The following GABPB2 variants were observed in gnomAD, a reference collection of about 807,000 sequenced individuals.
The protein encoded by GABPB2 is GA binding protein transcription factor subunit beta 2, also known as GA-binding protein subunit beta-2.
A neutral mutation model predicts 39.1 loss-of-function variants in GABPB2; 23 were observed. That is an observed-to-expected ratio of 0.59 (90% CI 0.42 to 0.83). The LOEUF (loss-of-function observed/expected upper bound fraction) is 0.83. Ranked by LOEUF, GABPB2 falls within the 40% of genes least tolerant of loss-of-function variation. The probability of loss-of-function intolerance (pLI) is 0.00; values close to 1 mark genes in which losing one functional copy is unlikely to be tolerated. For missense variants in GABPB2, 467 were observed against 541.1 expected, an observed-to-expected ratio of 0.86 and a Z score of 1.36; for synonymous variants, 184 against 199.3, an observed-to-expected ratio of 0.92 and a Z score of 0.65.
chr1:151,080,088 G>A (rs760950755), intron 1 of GABPB2, among the ~76,000 whole-genome samples: 4 of 151,536 alleles, frequency 2.6e-5, no homozygotes, highest in African/African-American at 9.7e-5. Flanking sequence ...GGTGGCACAC[G>A]CCTGTATTCC....
intron 7 of GABPB2, among the ~76,000 whole-genome samples, chr1:151,108,561 G>T (rs1680149210): frequency 6.6e-6 from 1 of 151,922 alleles, no homozygotes; most frequent in Non-Finnish European, 1.5e-5. Context: ...GTGTGCGGTG[G>T]TGCAATCATG....
At chr1:151,081,704 G>A (rs11204771) in intron 1 of GABPB2, among the ~76,000 whole-genome samples, 104,249 of 151,552 alleles carry the variant, frequency 0.69, 37,516 homozygotes, top group East Asian at 0.89. Context: ...GCGTGACCTT[G>A]GCTCACTGCA....
chr1:151,077,090 A>G (rs1677232361), intron 1 of GABPB2, among the ~76,000 whole-genome samples: 3 of 152,012 alleles, frequency 2.0e-5, no homozygotes, highest in Admixed American at 2.0e-4. Context: ...TTATTTGTAT[A>G]AAGTGCAGCA....
Position 151,091,988 on chromosome 1 carries a change from C to T in GABPB2, c.277-1204C>T, listed in dbSNP as rs142036099. Among the ~76,000 whole-genome samples, 49 of 151,290 alleles carry T rather than the reference C, an allele frequency of 3.2e-4. No homozygotes were observed. The East Asian group carries it at 8.6e-3, about 27-fold the overall frequency. On this transcript the variant is annotated intron_variant, in intron 3 of 8. Transcript: ENST00000368918. ...TTATTTTTTGTAGAGAATAGGGTCT[C>T]GTTGTATTGCCCAGCCCAGGCTGGC...
intron 7 of GABPB2, among the ~76,000 whole-genome samples, chr1:151,107,804 C>G (rs752049984): frequency 3.0e-4 from 46 of 152,054 alleles, no homozygotes; most frequent in African/African-American, 1.1e-3. Context: ...GGCATGGTGG[C>G]GCACGCCTAT....
intron 7 of GABPB2, among the ~76,000 whole-genome samples, chr1:151,115,091 AGT>A (rs1456285665): frequency 1.3e-5 from 2 of 152,132 alleles, no homozygotes; most frequent in Non-Finnish European, 2.9e-5. Context: ...TCATAAGGTA[AGT>A]GTGTGTTTTG....
intron 5 of GABPB2, among the ~76,000 whole-genome samples, chr1:151,102,244 C>T (rs1200331795): frequency 6.6e-6 from 1 of 152,098 alleles, no homozygotes; most frequent in Non-Finnish European, 1.5e-5. Flanking sequence ...GCGCTTGAAT[C>T]CGGGAGGCGG....
intron 6 of GABPB2, 119 bp from the exon 7 acceptor site, chr1:151,106,918 C>A: frequency 1.6e-6 from 1 of 625,254 alleles, no homozygotes. Context: ...TGTTGAATCT[C>A]ACTTTTTTTT....
In GABPB2 at chr1:151,122,316, G is replaced by C. The variant is rs1681212765; in HGVS notation, c.*4060G>C. The C allele has an allele frequency of 6.6e-6, 1 of 152,184 alleles. No homozygotes were observed. Among genetic ancestry groups the C allele is most frequent in the Non-Finnish European group, 1.5e-5 (1 of 68,036 alleles). 9.4% of individuals were successfully genotyped at this position (152,184 alleles called of 1,614,324 possible). A position where few individuals can be genotyped will look rare whatever the true frequency, so the allele number is the denominator to read the frequency against. On this transcript the variant is annotated 3_prime_UTR_variant, in exon 9 of 9. Coordinates refer to ENST00000368918, the MANE Select transcript of GABPB2 (RefSeq NM_144618.3). ...GTTGGGGATGACAGGAAAATGTGAG[G>C]GGGAGTAGCCTAGGTAAGGGTGATG...
intron 1 of GABPB2, among the ~76,000 whole-genome samples, chr1:151,078,562 T>C (rs1677388216): frequency 6.6e-6 from 1 of 151,338 alleles, no homozygotes; most frequent in African/African-American, 2.4e-5. Context: ...CACTGCACTC[T>C]AGCCTGGGCC....
chr1:151,105,784 C>T (rs1679915705), intron 6 of GABPB2, among the ~76,000 whole-genome samples: 1 of 152,090 alleles, frequency 6.6e-6, no homozygotes, highest in South Asian at 2.1e-4. Context: ...GGATTATGGG[C>T]GTGAGCCACC....
In GABPB2 at chr1:151,107,076, C is replaced by T. The variant is rs148044296; in HGVS notation, c.776C>T (p.Ser259Leu). The part of the protein sequence containing the change: ...EEIIEGNSVD[S>L]SIQQVMGSGG... ...ATTATAGAAGGAAATTCCGTTGACT[C>T]ATCAATCCAGCAAGTAATGGGGAGT... The change falls in exon 7 of 9, where the codon TCA becomes TTA. Residue 259 changes from serine (S) to leucine (L), a missense_variant. Coordinates refer to ENST00000368918, the MANE Select transcript of GABPB2 (RefSeq NM_144618.3). 6.8e-5 allele frequency: 110 copies of T among 1,611,504 alleles called. No homozygotes were observed. In the African/African-American group the frequency reaches 1.3e-3, roughly 19 times the overall value.
rs75202533 is a variant in GABPB2, at chr1:151,101,766, T to G, written c.623-1796T>G. Among the ~76,000 whole-genome samples the G allele has an allele frequency of 1.8e-4, 27 of 152,272 alleles. No homozygotes were observed. In the East Asian group the frequency reaches 5.0e-3, roughly 28 times the overall value. ...TCGGAACTGAGAGGCAATAAATTTG[T>G]AACTGGCATAATAGGTATCTCTGAA... On this transcript the variant is annotated intron_variant, in intron 5 of 8. Coordinates refer to ENST00000368918, the MANE Select transcript of GABPB2 (RefSeq NM_144618.3).
chr1:151,111,786 G>T (rs1222179708), intron 7 of GABPB2: 2 of 150,530 alleles, frequency 1.3e-5, no homozygotes, highest in Non-Finnish European at 3.0e-5. Context: ...CACCTGCCTC[G>T]GCCTCCCAAA....
chr1:151,122,957 T>C lies in GABPB2; in HGVS notation c.*4701T>C, dbSNP rs764023545. 3 of 152,260 alleles carry C rather than the reference T, an allele frequency of 2.0e-5. No individual in the cohort carries two copies. The highest frequency in any genetic ancestry group is 4.4e-5 in the Non-Finnish European group (3 of 68,022). 9.4% of individuals were successfully genotyped at this position (152,260 alleles called of 1,614,324 possible). ...AAGGGAAATAGGATTTGATCTCCAA[T>C]TGTATTGCCATGGAGAGAATGGCAG... On this transcript the variant is annotated 3_prime_UTR_variant, in exon 9 of 9. Transcript: ENST00000368918.
At chr1:151,078,872 A>G (rs947707463) in intron 1 of GABPB2, among the ~76,000 whole-genome samples, 1 of 151,608 alleles carries the variant, frequency 6.6e-6, no homozygotes, top group African/African-American at 2.4e-5. Flanking sequence ...GGATTTCACC[A>G]TGTTGGCCAG....
At chr1:151,096,613 A>C (rs1466896690) in intron 4 of GABPB2, among the ~76,000 whole-genome samples, 1 of 152,160 alleles carries the variant, frequency 6.6e-6, no homozygotes, top group Non-Finnish European at 1.5e-5. Flanking sequence ...ATTGCTTCTG[A>C]AAGTAATAAA....
intron 4 of GABPB2, among the ~76,000 whole-genome samples, chr1:151,094,399 C>T (rs1464155869): frequency 7.2e-6 from 1 of 139,754 alleles, no homozygotes; most frequent in Non-Finnish European, 1.5e-5. Context: ...GATAGAGTCT[C>T]ACTCTGTTGC....
intron 1 of GABPB2, among the ~76,000 whole-genome samples, chr1:151,087,571 C>T (rs755707743): frequency 1.3e-5 from 2 of 151,892 alleles, no homozygotes; most frequent in South Asian, 2.1e-4. Flanking sequence ...TGCTTGAACC[C>T]GGGAGGCAGA....
Sources: gnomAD v4.1 joint callset for allele counts (sites outside exome capture counted in the v4.1 genomes callset) on GRCh38, gnomAD v4.1.1 for gene constraint, MANE v1.5 for transcripts, NCBI Gene and HGNC (gene_info 2026-07-23, HGNC 2026-07-21) for gene names.